The following RHCE variants were observed in gnomAD, a reference collection of about 807,000 sequenced individuals.
RHCE encodes Rh blood group CcEe antigens.
In RHCE, 22 loss-of-function variants were observed where a neutral mutation model predicts 43.8. The observed-to-expected ratio is 0.50, with a 90% CI of 0.36 to 0.72. RHCE has a LOEUF of 0.72. RHCE is among the 30% of genes least tolerant of loss of function. The pLI is 0.00. For synonymous variants in RHCE, 156 were observed against 210.7 expected, an observed-to-expected ratio of 0.74 and a Z score of 2.25; for missense variants, 385 against 525.4, an observed-to-expected ratio of 0.73 and a Z score of 2.61.
intron 9 of RHCE, among the ~76,000 whole-genome samples, chr1:25,370,254 T>C (rs1645568113): frequency 6.6e-6 from 1 of 151,508 alleles, no homozygotes; most frequent in Non-Finnish European, 1.5e-5. Context: ...ATTTGAGGTA[T>C]CAGGGAAATG....
chr1:25,418,327 C>G (rs1394459669), intron 1 of RHCE, among the ~76,000 whole-genome samples: 2 of 151,876 alleles, frequency 1.3e-5, no homozygotes, highest in Middle Eastern at 3.4e-3. Context: ...CACACCCAGT[C>G]CCTGCTCTCC....
chr1:25,391,848 C>T, intron 4 of RHCE, 146 bp downstream of exon 4: 2 of 1,153,556 alleles, frequency 1.7e-6, no homozygotes, highest in South Asian at 1.3e-5. Context: ...ATTTAGCAAA[C>T]ACTACTCAAA....
intron 2 of RHCE, 57 bp from the exon 3 acceptor site, chr1:25,402,803 T>G: frequency 1.3e-6 from 2 of 1,573,798 alleles, no homozygotes; most frequent in Non-Finnish European, 8.6e-7. Flanking sequence ...TCTCACTCAT[T>G]CATTCATTCA....
At chr1:25,394,670 A>G (rs888200202) in intron 3 of RHCE, among the ~76,000 whole-genome samples, 1 of 152,212 alleles carries the variant, frequency 6.6e-6, no homozygotes, top group African/African-American at 2.4e-5. Context: ...GGTATATAGT[A>G]AATACCAAAT....
At chr1:25,383,667 T>C (rs1262930844) in intron 7 of RHCE, among the ~76,000 whole-genome samples, 6 of 152,084 alleles carry the variant, frequency 3.9e-5, no homozygotes, top group Non-Finnish European at 8.8e-5. Context: ...ACTGTCACTA[T>C]GCCCTTCCCT....
intron 6 of RHCE, among the ~76,000 whole-genome samples, 186 bp from the exon 7 acceptor site, chr1:25,386,030 TG>T (rs1193840340): frequency 2.0e-5 from 3 of 152,274 alleles, no homozygotes; most frequent in African/African-American, 7.2e-5. Flanking sequence ...AATGAAGAGC[TG>T]GCTTTAGTGG....
chr1:25,428,697 C>A (rs1411930749), intron 2 of RHCE, among the ~76,000 whole-genome samples: 4 of 152,226 alleles, frequency 2.6e-5, no homozygotes, highest in Non-Finnish European at 5.9e-5. Flanking sequence ...CTTGTCCAAG[C>A]TAGTAAGTGG....
intron 1 of RHCE, chr1:25,411,268 A>G: frequency 6.5e-7 from 1 of 1,539,188 alleles, no homozygotes; most frequent in Admixed American, 2.0e-5. Flanking sequence ...AGTGCCTAGC[A>G]CATGGAGAAC....
At position 25,412,714 on chromosome 1, in the gene RHCE, T is replaced by A. The variant is rs1219450095; in HGVS notation, c.149-3845A>T. On this transcript the variant is annotated intron_variant, in intron 1 of 9. Coordinates refer to ENST00000294413, the MANE Select transcript of RHCE (RefSeq NM_020485.8). The stretch of plus-strand genomic sequence containing the variant: ...TAGGCGACAGAGGGAGACCCTTTTT[T>A]TAAAAAAAAAAAAAAAAAAAAAAAA... 4.2e-4 allele frequency among the ~76,000 whole-genome samples: 42 copies of A among 100,432 alleles called. 1 individual carries two copies. The highest frequency in any genetic ancestry group is 5.7e-3 in the Middle Eastern group (1 of 174). The allele number at this position is 100,432 out of a possible 152,430, so 65.9% of individuals were successfully genotyped here. A position where few individuals can be genotyped will look rare whatever the true frequency, so the allele number is the denominator to read the frequency against.
chr1:25,395,150 G>C (rs892720696), intron 3 of RHCE, among the ~76,000 whole-genome samples: 11 of 142,968 alleles, frequency 7.7e-5, no homozygotes, highest in African/African-American at 2.7e-4. Flanking sequence ...CTTCTTGACA[G>C]CCATGTTTTT....
rs532830463 is a variant in RHCE, at chr1:25,371,650, G to A, written c.1154-1110C>T. Among the ~76,000 whole-genome samples the A allele has an allele frequency of 1.3e-4, 20 of 151,716 alleles. No individual in the cohort carries two copies. The South Asian group carries it at 3.7e-3, about 28-fold the overall frequency. On this transcript the variant is annotated intron_variant, in intron 8 of 9. Transcript: ENST00000294413. The stretch of plus-strand genomic sequence containing the variant: ...TGCCTTCTAAAGGGCTGCAATTACA[G>A]GTGTGAGCCACTGTGCCCAACCTCC...
intron 1 of RHCE, among the ~76,000 whole-genome samples, chr1:25,418,320 A>G (rs1193962360): frequency 6.7e-6 from 1 of 148,480 alleles, no homozygotes; most frequent in African/African-American, 2.5e-5. Flanking sequence ...GAGCCACCAC[A>G]CCCAGTCCCT....
In RHCE at chr1:25,370,909, C is replaced by A. The variant is rs927650808; in HGVS notation, c.1154-369G>T. ...GATTATAGGCGCCTGCCACCACATC[C>A]AGCTAATTTTTTTTTTTTTTTTTTT... On this transcript the variant is annotated intron_variant, in intron 8 of 9. Transcript: ENST00000294413. Among the ~76,000 whole-genome samples the A allele has an allele frequency of 9.5e-5, 14 of 148,120 alleles. 1 individual carries two copies. Among genetic ancestry groups the A allele is most frequent in the Admixed American group, 1.3e-4 (2 of 14,924 alleles).
chr1:25,396,564 C>A (rs1020616817), intron 3 of RHCE, among the ~76,000 whole-genome samples: 5 of 152,102 alleles, frequency 3.3e-5, no homozygotes, highest in African/African-American at 9.7e-5. Context: ...AGGAAACTTA[C>A]AATCATGGTG....
rs1646928396 is a variant in RHCE, at chr1:25,406,580, T to C, written c.335+2103A>G. 2.5e-5 allele frequency among the ~76,000 whole-genome samples: 3 copies of C among 118,240 alleles called. 1 individual carries two copies. The highest frequency in any genetic ancestry group is 5.7e-5 in the Non-Finnish European group (3 of 52,464). The allele number at this position is 118,240 out of a possible 152,430, so 77.6% of individuals were successfully genotyped here. On this transcript the variant is annotated intron_variant, in intron 2 of 9. Coordinates refer to ENST00000294413, the MANE Select transcript of RHCE (RefSeq NM_020485.8). ...CATCTGTCTAGGCCTCCTAAAGTAC[T>C]AGGATTACAGGCATGAACCACCGCG...
intron 9 of RHCE, 79 bp downstream of exon 9, chr1:25,370,388 C>G: frequency 8.1e-7 from 1 of 1,237,482 alleles, no homozygotes. Context: ...TCATAAACAG[C>G]AAGTCAACAT....
At chr1:25,407,804 T>G (rs1272258636) in intron 2 of RHCE, among the ~76,000 whole-genome samples, 2 of 123,648 alleles carry the variant, frequency 1.6e-5, no homozygotes, top group Non-Finnish European at 3.7e-5. Flanking sequence ...TTGTGTTCCT[T>G]CCTAATCAAT....
upstream of RHCE, among the ~76,000 whole-genome samples, chr1:25,421,480 C>G (rs1330789400): frequency 3.3e-5 from 5 of 152,276 alleles, no homozygotes; most frequent in African/African-American, 9.6e-5. Context: ...TGGAGGGGAT[C>G]CTGATCCAGC....
At chr1:25,399,840 T>C (rs190122311) in intron 3 of RHCE, among the ~76,000 whole-genome samples, 1 of 152,322 alleles carries the variant, frequency 6.6e-6, no homozygotes, top group East Asian at 1.9e-4. Flanking sequence ...TTACCCATTG[T>C]AAACTGAGAT....
Sources: allele counts gnomAD v4.1 joint callset (sites outside exome capture counted in the v4.1 genomes callset), GRCh38; gene constraint gnomAD v4.1.1; transcripts MANE v1.5; gene names NCBI Gene and HGNC (gene_info 2026-07-23, HGNC 2026-07-21).